DKK2: variants seen among roughly 807,000 people sequenced by gnomAD.
The protein encoded by DKK2 is dickkopf Wnt signaling pathway inhibitor 2.
DKK2 carries 11 observed loss-of-function variants against 28.1 expected under a neutral mutation model. The observed-to-expected ratio is 0.39, with a 90% CI of 0.25 to 0.65. The LOEUF (loss-of-function observed/expected upper bound fraction) is 0.65. DKK2 is among the 30% of genes least tolerant of loss of function. DKK2 has a pLI of 0.47. For synonymous variants in DKK2, 135 were observed against 126.5 expected (o/e 1.07, Z -0.45); for missense variants, 326 against 335.5 (o/e 0.97, Z 0.22).
At chr4:107,011,993 A>G (rs1234415568) in intron 1 of DKK2, among the ~76,000 whole-genome samples, 2 of 151,324 alleles carry the variant, frequency 1.3e-5, no homozygotes, top group Non-Finnish European at 3.0e-5. Flanking sequence ...GTAAATTTCT[A>G]TTTTGCTCCT....
At chr4:106,971,649 T>G (rs1283900086) in intron 1 of DKK2, among the ~76,000 whole-genome samples, 1 of 152,076 alleles carries the variant, frequency 6.6e-6, no homozygotes, top group African/African-American at 2.4e-5. Context: ...TTCCATCTAT[T>G]TTATAGTGTT....
intron 1 of DKK2, among the ~76,000 whole-genome samples, chr4:106,938,295 C>T (rs908201754): frequency 1.4e-4 from 22 of 152,034 alleles, no homozygotes; most frequent in Middle Eastern, 3.2e-3. Flanking sequence ...ATATCACCAC[C>T]GATCCAACAG....
intron 1 of DKK2, among the ~76,000 whole-genome samples, chr4:106,995,802 G>C (rs931568725): frequency 6.6e-6 from 1 of 152,002 alleles, no homozygotes; most frequent in African/African-American, 2.4e-5. Context: ...TAGTAGAGAC[G>C]GGGTTTCACC....
chr4:106,988,009 C>G (rs1234999752), intron 1 of DKK2, among the ~76,000 whole-genome samples: 1 of 152,066 alleles, frequency 6.6e-6, no homozygotes, highest in Non-Finnish European at 1.5e-5. Flanking sequence ...GGACTATAGG[C>G]ACCCACCATC....
At chr4:106,965,864 C>T (rs927113685) in intron 1 of DKK2, among the ~76,000 whole-genome samples, 7 of 147,640 alleles carry the variant, frequency 4.7e-5, no homozygotes, top group East Asian at 2.0e-4. Flanking sequence ...TTTGTTCTTG[C>T]GATAGTTTAC....
At chr4:106,997,580 C>G (rs1723294441) in intron 1 of DKK2, among the ~76,000 whole-genome samples, 2 of 151,926 alleles carry the variant, frequency 1.3e-5, no homozygotes, top group African/African-American at 4.8e-5. Flanking sequence ...CTTATTTTCC[C>G]ATGTCAACTG....
intron 1 of DKK2, among the ~76,000 whole-genome samples, chr4:106,958,612 G>C (rs1340782970): frequency 6.6e-6 from 1 of 151,958 alleles, no homozygotes; most frequent in East Asian, 1.9e-4. Flanking sequence ...GTGATGGGTG[G>C]ATCACCTGAG....
intron 1 of DKK2, among the ~76,000 whole-genome samples, chr4:106,997,986 A>C (rs1723300213): frequency 6.6e-6 from 1 of 152,176 alleles, no homozygotes; most frequent in African/African-American, 2.4e-5. Flanking sequence ...GCTTAACATC[A>C]AGCTCTTGTT....
rs1724350776 is a variant in DKK2 at position 106,922,033 on chromosome 4, A to C, written c.*1921T>G. 1 of 152,614 alleles carries C rather than the reference A, an allele frequency of 6.6e-6. No individual in the cohort carries two copies. The highest frequency in any genetic ancestry group is 1.5e-5 in the Non-Finnish European group (1 of 68,024). 9.5% of individuals were successfully genotyped at this position (152,614 alleles called of 1,614,324 possible). On this transcript the variant is annotated 3_prime_UTR_variant, in exon 4 of 4. Transcript: ENST00000285311. ...CAGAAACCAAATTGTAAATATAATA[A>C]TTGTTATATAGGAAATGTTTGATTG...
intron 1 of DKK2, among the ~76,000 whole-genome samples, chr4:106,994,156 A>G (rs1723240451): frequency 6.6e-6 from 1 of 152,214 alleles, no homozygotes; most frequent in African/African-American, 2.4e-5. Flanking sequence ...TTAAGTTCAC[A>G]TACCATCCTT....
intron 1 of DKK2, among the ~76,000 whole-genome samples, chr4:106,929,539 T>C (rs1724471633): frequency 6.6e-6 from 1 of 152,168 alleles, no homozygotes; most frequent in Admixed American, 6.5e-5. Flanking sequence ...CGATTGGCCA[T>C]AAATTCAGAA....
At chr4:106,942,748 C>A (rs558731844) in intron 1 of DKK2, among the ~76,000 whole-genome samples, 1 of 152,168 alleles carries the variant, frequency 6.6e-6, no homozygotes, top group Admixed American at 6.6e-5. Context: ...TAGGGTCAGT[C>A]TGTAATCTTA....
At chr4:107,010,615 A>G (rs1334662925) in intron 1 of DKK2, among the ~76,000 whole-genome samples, 1 of 151,482 alleles carries the variant, frequency 6.6e-6, no homozygotes, top group Non-Finnish European at 1.5e-5. Context: ...ACTAAAAAAA[A>G]GGGATCGAGT....
At chr4:106,948,473 G>C (rs1198721574) in intron 1 of DKK2, among the ~76,000 whole-genome samples, 1 of 152,176 alleles carries the variant, frequency 6.6e-6, no homozygotes, top group Admixed American at 6.5e-5. Flanking sequence ...AACAAAGTCA[G>C]CTTGTAGGGG....
intron 1 of DKK2, among the ~76,000 whole-genome samples, chr4:106,979,264 A>C (rs1427473362): frequency 6.6e-6 from 1 of 152,050 alleles, no homozygotes; most frequent in African/African-American, 2.4e-5. Context: ...TTAAATACTC[A>C]CAATGACCAC....
intron 1 of DKK2, among the ~76,000 whole-genome samples, chr4:106,970,412 T>A: frequency 6.6e-6 from 1 of 152,052 alleles, no homozygotes; most frequent in Non-Finnish European, 1.5e-5. Context: ...ATGTTTAGAG[T>A]GATAATGGCA....
At chr4:107,029,509 A>C (rs1416580673) in intron 1 of DKK2, among the ~76,000 whole-genome samples, 1 of 152,202 alleles carries the variant, frequency 6.6e-6, no homozygotes, top group African/African-American at 2.4e-5. Flanking sequence ...CCTGGCATAG[A>C]GTGAATAATC....
At chr4:106,998,983 G>C (rs572412085) in intron 1 of DKK2, among the ~76,000 whole-genome samples, 3 of 152,212 alleles carry the variant, frequency 2.0e-5, no homozygotes, top group Non-Finnish European at 4.4e-5. Flanking sequence ...TCACCAACAT[G>C]GACATAATAT....
At chr4:106,943,437 A>C (rs1724731057) in intron 1 of DKK2, among the ~76,000 whole-genome samples, 2 of 152,124 alleles carry the variant, frequency 1.3e-5, no homozygotes, top group African/African-American at 2.4e-5. Context: ...AAAATACTCA[A>C]TTAAGAACCC....
Sources: gnomAD v4.1 joint callset for allele counts (sites outside exome capture counted in the v4.1 genomes callset) on GRCh38, gnomAD v4.1.1 for gene constraint, MANE v1.5 for transcripts, NCBI Gene and HGNC (gene_info 2026-07-23, HGNC 2026-07-21) for gene names.